The following ADGRG7 variants were observed in gnomAD, a reference collection of about 807,000 sequenced individuals.
The protein encoded by ADGRG7 is G-protein coupled receptor 128.
In ADGRG7, 82 loss-of-function variants were observed where a neutral mutation model predicts 88.6. The ratio of observed to expected loss-of-function variants is 0.93; its 90% CI spans 0.77 to 1.11. The LOEUF (loss-of-function observed/expected upper bound fraction) is 1.11. Among genes scored for constraint, ADGRG7 ranks in the 50% most tolerant of loss-of-function variants. ADGRG7 has a pLI of 0.00. For missense variants in ADGRG7, 945 were observed against 953.4 expected (o/e 0.99, Z 0.12); for synonymous variants, 381 against 345.2 (o/e 1.10, Z -1.15).
chr3:100,687,755 G>A (rs1051351508), intron 15 of ADGRG7, among the ~76,000 whole-genome samples: 1 of 152,200 alleles, frequency 6.6e-6, no homozygotes, highest in African/African-American at 2.4e-5. Flanking sequence ...TAAGCTTTCT[G>A]ATGTGCTGCT....
chr3:100,632,021 A>G (rs1206926332), intron 3 of ADGRG7, among the ~76,000 whole-genome samples: 1 of 152,170 alleles, frequency 6.6e-6, no homozygotes, highest in East Asian at 1.9e-4. Flanking sequence ...TACTATATAT[A>G]CCATACTATA....
At chr3:100,629,557 C>A in intron 1 of ADGRG7, 41 bp from the exon 2 acceptor site, 1 of 1,389,180 alleles carries the variant, frequency 7.2e-7, no homozygotes, top group South Asian at 1.2e-5. Flanking sequence ...AGAAATGAAT[C>A]AGCCAGTTCA....
chr3:100,621,887 C>A (rs553846518), intron 1 of ADGRG7, among the ~76,000 whole-genome samples: 1 of 152,294 alleles, frequency 6.6e-6, no homozygotes, highest in East Asian at 1.9e-4. Context: ...GTAGCTAATA[C>A]GGCTGGTGAC....
At chr3:100,663,472 TA>T (rs1246406324) in intron 14 of ADGRG7, among the ~76,000 whole-genome samples, 4 of 152,060 alleles carry the variant, frequency 2.6e-5, no homozygotes, top group South Asian at 4.1e-4. Context: ...GAAATTGGAA[TA>T]AAGATTCTTT....
intron 13 of ADGRG7, among the ~76,000 whole-genome samples, chr3:100,656,612 C>G (rs1450014715): frequency 6.6e-6 from 1 of 152,164 alleles, no homozygotes; most frequent in Non-Finnish European, 1.5e-5. Context: ...TGAGACTCAA[C>G]TCTTTATATG....
chr3:100,673,856 T>G (rs2094961677), intron 15 of ADGRG7, among the ~76,000 whole-genome samples: 1 of 152,200 alleles, frequency 6.6e-6, no homozygotes, highest in Non-Finnish European at 1.5e-5. Context: ...TTTTCGTGTC[T>G]CTATCTCCTT....
chr3:100,678,807 T>TCA (rs1340387441), intron 15 of ADGRG7, among the ~76,000 whole-genome samples: 6 of 151,970 alleles, frequency 3.9e-5, no homozygotes, highest in Admixed American at 3.9e-4. Flanking sequence ...ACAGAGTGCC[T>TCA]CTCTCTCTCT....
intron 15 of ADGRG7, among the ~76,000 whole-genome samples, chr3:100,673,141 G>C (rs1408452017): frequency 6.6e-6 from 1 of 152,122 alleles, no homozygotes; most frequent in Admixed American, 6.6e-5. Flanking sequence ...AATGGTACCA[G>C]CTCCTCTTTT....
At chr3:100,676,673 A>T (rs2094965714) in intron 15 of ADGRG7, among the ~76,000 whole-genome samples, 1 of 152,062 alleles carries the variant, frequency 6.6e-6, no homozygotes, top group South Asian at 2.1e-4. Context: ...TGTCTGGAAG[A>T]TCTATCCAAT....
At chr3:100,666,599 G>T (rs1469290526) in intron 14 of ADGRG7, among the ~76,000 whole-genome samples, 2 of 152,168 alleles carry the variant, frequency 1.3e-5, no homozygotes, top group African/African-American at 2.4e-5. Flanking sequence ...CATTGCCCAG[G>T]GACGGGCAGG....
intron 15 of ADGRG7, among the ~76,000 whole-genome samples, chr3:100,692,486 G>A (rs1279500893): frequency 1.3e-5 from 2 of 152,104 alleles, no homozygotes; most frequent in Non-Finnish European, 2.9e-5. Context: ...GCATAGGAGG[G>A]GGAAATTATA....
chr3:100,661,142 G>A (rs938824252), intron 14 of ADGRG7, among the ~76,000 whole-genome samples: 5 of 152,016 alleles, frequency 3.3e-5, no homozygotes, highest in African/African-American at 1.2e-4. Context: ...TACAACAAGA[G>A]CATTCAGTTG....
chr3:100,670,553 C>T (rs1004285644), intron 15 of ADGRG7, among the ~76,000 whole-genome samples: 1 of 151,954 alleles, frequency 6.6e-6, no homozygotes, highest in African/African-American at 2.4e-5. Context: ...TATGGTAGTT[C>T]TATTTTTAGC....
In ADGRG7 at chr3:100,643,381, A is replaced by C. The variant is rs1452157637; in HGVS notation, c.814A>C (p.Asn272His). The C allele has an allele frequency of 6.2e-7, 1 of 1,614,046 alleles. No individual in the cohort carries two copies. The highest frequency in any genetic ancestry group is 8.5e-7 in the Non-Finnish European group (1 of 1,179,940). ...FSSENAVGPSNVRFSVQKGAS... is the reference protein window; with the variant it reads ...FSSENAVGPSHVRFSVQKGAS... ...TTCAGAAAATGCGGTGGGGCCTTCAAATGTTCGCTTCTCTGTGCAGAAAGG... is the reference window on the plus strand; with the variant it reads ...TTCAGAAAATGCGGTGGGGCCTTCACATGTTCGCTTCTCTGTGCAGAAAGG... Residue 272 changes from asparagine (N) to histidine (H), a missense_variant, in exon 7 of 16, where the codon AAT becomes CAT. Physicochemically the swap from Asn to His is moderately conservative, Grantham distance 68. Transcript: ENST00000273352.
chr3:100,631,883 A>G (rs969707354), intron 3 of ADGRG7, among the ~76,000 whole-genome samples: 27 of 152,162 alleles, frequency 1.8e-4, no homozygotes, highest in African/African-American at 5.6e-4. Context: ...GCATTGCTAT[A>G]AAGAAATATC....
intron 1 of ADGRG7, among the ~76,000 whole-genome samples, chr3:100,624,272 C>A (rs775790733): frequency 6.6e-6 from 1 of 152,168 alleles, no homozygotes; most frequent in Non-Finnish European, 1.5e-5. Flanking sequence ...TTTTGATTTG[C>A]ATTTCTGTAA....
At chr3:100,692,472 C>G (rs1559695561) in intron 15 of ADGRG7, among the ~76,000 whole-genome samples, 1 of 152,062 alleles carries the variant, frequency 6.6e-6, no homozygotes, top group Non-Finnish European at 1.5e-5. Context: ...TTTCTCTTCT[C>G]CATGCATAGG....
At chr3:100,653,033 G>C (rs1325045469) in intron 11 of ADGRG7, among the ~76,000 whole-genome samples, 2 of 152,180 alleles carry the variant, frequency 1.3e-5, no homozygotes, top group Admixed American at 1.3e-4. Flanking sequence ...TTGACCATCT[G>C]ACAATCAGCA....
intron 9 of ADGRG7, 199 bp downstream of exon 9, chr3:100,646,307 T>C (rs922216452): frequency 6.5e-6 from 4 of 611,994 alleles, no homozygotes; most frequent in Non-Finnish European, 1.1e-5. Context: ...AAAAGAAATC[T>C]ATAGCAAAAC....
Sources: gnomAD v4.1 joint callset for allele counts (sites outside exome capture counted in the v4.1 genomes callset) on GRCh38, gnomAD v4.1.1 for gene constraint, MANE v1.5 for transcripts, NCBI Gene and HGNC (gene_info 2026-07-23, HGNC 2026-07-21) for gene names.